WNT7B: variants seen among roughly 807,000 people sequenced by gnomAD.
The protein encoded by WNT7B is protein Wnt-7b.
Under a neutral mutation model 38.2 loss-of-function variants are expected in WNT7B, and 19 were observed. The ratio of observed to expected loss-of-function variants is 0.50; its 90% CI spans 0.35 to 0.73. The LOEUF (loss-of-function observed/expected upper bound fraction) is 0.73, where lower values mean the gene tolerates loss of function less well. WNT7B is among the 30% of genes least tolerant of loss of function. WNT7B has a pLI of 0.01. For synonymous variants in WNT7B, 243 were observed against 209.3 expected (o/e 1.16, Z -1.39); for missense variants, 423 against 507.9 (o/e 0.83, Z 1.61).
chr22:45,928,298 G>A (rs899975693), intron 3 of WNT7B, among the ~76,000 whole-genome samples: 1 of 152,156 alleles, frequency 6.6e-6, no homozygotes, highest in Non-Finnish European at 1.5e-5. Context: ...CTTATGGAAA[G>A]TTCCAAAGCC....
In WNT7B at chr22:45,933,731, G is replaced by A. The variant is rs114156005; in HGVS notation, c.299-2362C>T. Among the ~76,000 whole-genome samples, 664 of 152,334 alleles carry A rather than the reference G, an allele frequency of 4.4e-3. 4 individuals are homozygous for A. Among genetic ancestry groups the A allele is most frequent in the African/African-American group, 0.015 (635 of 41,568 alleles). ...CTTAAGTGGGTACAATCTTAACAAG[G>A]AGCATGGATTCGCTTGCTGTGTGTG... On this transcript the variant is annotated intron_variant, in intron 2 of 3. Transcript: ENST00000339464.
intron 1 of WNT7B, among the ~76,000 whole-genome samples, chr22:45,969,395 G>A (rs552196937): frequency 3.0e-3 from 452 of 152,332 alleles, no homozygotes; most frequent in African/African-American, 0.011. Flanking sequence ...CAGAAGCGCA[G>A]CCTGGTCCTG....
chr22:45,922,755 CTA>C lies in WNT7B; in HGVS notation c.*99_*100del. ...TGGAGCTCCCCGCTTCTGCACCCGTCTATGTCTGCTGCTGGCAGCACCAAGGC... is the reference window on the plus strand; with the variant it reads ...TGGAGCTCCCCGCTTCTGCACCCGTCTGTCTGCTGCTGGCAGCACCAAGGC... On this transcript the variant is annotated 3_prime_UTR_variant, in exon 4 of 4. Transcript: ENST00000339464. The C allele has an allele frequency of 6.6e-7, 1 of 1,518,884 alleles. No homozygotes were observed. Among genetic ancestry groups the C allele is most frequent in the African/African-American group, 1.4e-5 (1 of 72,664 alleles). The allele number at this position is 1,518,884 out of a possible 1,614,324, so 94.1% of individuals were successfully genotyped here.
chr22:45,936,978 C>T (rs559946506), intron 2 of WNT7B, among the ~76,000 whole-genome samples: 17 of 152,202 alleles, frequency 1.1e-4, no homozygotes, highest in African/African-American at 2.9e-4. Flanking sequence ...CCACAGGGGC[C>T]GGTGCACTTT....
intron 1 of WNT7B, among the ~76,000 whole-genome samples, chr22:45,971,789 A>C (rs890856975): frequency 1.3e-5 from 2 of 151,962 alleles, no homozygotes; most frequent in African/African-American, 4.8e-5. Flanking sequence ...TAATATGGGG[A>C]GGGGTCCCCC....
chr22:45,929,912 C>A (rs1601717785), intron 3 of WNT7B, among the ~76,000 whole-genome samples: 3 of 151,058 alleles, frequency 2.0e-5, no homozygotes, highest in South Asian at 4.2e-4. Flanking sequence ...ATCTACCCAT[C>A]CATCTATCCT....
intron 3 of WNT7B, chr22:45,927,449 T>C: frequency 1.3e-6 from 2 of 1,548,968 alleles, no homozygotes; most frequent in Middle Eastern, 1.7e-4. Context: ...GGGAACGGCA[T>C]AGCAACCCCC....
At chr22:45,938,825 C>A (rs538037716) in intron 2 of WNT7B, among the ~76,000 whole-genome samples, 9 of 152,072 alleles carry the variant, frequency 5.9e-5, no homozygotes, top group Non-Finnish European at 1.3e-4. Flanking sequence ...TCTTAAATAC[C>A]CTGACTTGAT....
intron 2 of WNT7B, among the ~76,000 whole-genome samples, chr22:45,942,046 C>T (rs946544085): frequency 2.6e-5 from 4 of 152,076 alleles, no homozygotes; most frequent in African/African-American, 4.8e-5. Context: ...CCCCATCTGC[C>T]CCCTACCCCA....
chr22:45,976,050 CCAGGGCCCAGGGCCCCGGGCGGGCG>C lies in WNT7B; in HGVS notation c.71+609_71+633del, dbSNP rs1380983239. On this transcript the variant is annotated intron_variant, in intron 1 of 3. Transcript: ENST00000339464. This position sits in a 1 kb window ranked among gnomAD's most constrained non-coding sequence, Gnocchi z 8.5. ...GGAGCGCGGCGAGAGGGGGCCGGGC[CCAGGGCCCAGGGCCCCGGGCGGGCG>C]GGGCACGGGCCCCGGACCGAGCCCG... 6.9e-6 allele frequency: 1 copy of C among 145,126 alleles called. No individual in the cohort carries two copies. Among genetic ancestry groups the C allele is most frequent in the Admixed American group, 6.8e-5 (1 of 14,714 alleles). 9.0% of individuals were successfully genotyped at this position (145,126 alleles called of 1,614,324 possible). A position where few individuals can be genotyped will look rare whatever the true frequency, so the allele number is the denominator to read the frequency against.
Position 45,976,281 on chromosome 22 carries a change from C to A in WNT7B, c.71+403G>T, listed in dbSNP as rs1403391857. ...GCCTCCGCAGGCGCCGGACGCCCCC[C>A]GACCCCGCCCCGGCGCACCCTCCAG... On this transcript the variant is annotated intron_variant, in intron 1 of 3. Coordinates refer to ENST00000339464, the MANE Select transcript of WNT7B (RefSeq NM_058238.3). This position sits in a 1 kb window ranked among gnomAD's most constrained non-coding sequence, Gnocchi z 8.5. Among the ~76,000 whole-genome samples, 1 of 147,804 alleles carries A rather than the reference C, an allele frequency of 6.8e-6. No homozygotes were observed. Among genetic ancestry groups the A allele is most frequent in the Non-Finnish European group, 1.5e-5 (1 of 66,420 alleles).
chr22:45,951,698 C>G lies in WNT7B; in HGVS notation c.72-1552G>C, dbSNP rs1044609218. 6.6e-6 allele frequency among the ~76,000 whole-genome samples: 1 copy of G among 152,072 alleles called. No homozygotes were observed. Among genetic ancestry groups the G allele is most frequent in the Non-Finnish European group, 1.5e-5 (1 of 68,008 alleles). On this transcript the variant is annotated intron_variant, in intron 1 of 3. Transcript: ENST00000339464. This position sits in a 1 kb window ranked among gnomAD's most constrained non-coding sequence, Gnocchi z 4.8. ...GCGTCGTGTTTTCAAGGGTCATCCA[C>G]GTGGTCACAGGTCAGTGCTTCATGC...
At chr22:45,938,277 A>G (rs1449629606) in intron 2 of WNT7B, among the ~76,000 whole-genome samples, 1 of 152,172 alleles carries the variant, frequency 6.6e-6, no homozygotes, top group African/African-American at 2.4e-5. Context: ...TTATTGAGGT[A>G]GAGAGTGGAA....
chr22:45,970,453 C>T (rs1184633833), intron 1 of WNT7B, among the ~76,000 whole-genome samples: 1 of 151,968 alleles, frequency 6.6e-6, no homozygotes, highest in African/African-American at 2.4e-5. Context: ...CCCCAGAGGC[C>T]CCTCACTGCT....
At chr22:45,957,697 A>C (rs1173119111) in intron 1 of WNT7B, among the ~76,000 whole-genome samples, 4 of 149,530 alleles carry the variant, frequency 2.7e-5, no homozygotes, top group African/African-American at 4.9e-5. Flanking sequence ...AAAAAAAAAA[A>C]AAAAAAAAAA....
chr22:45,960,563 C>G (rs1222750654), intron 1 of WNT7B, among the ~76,000 whole-genome samples: 1 of 152,256 alleles, frequency 6.6e-6, no homozygotes, highest in Non-Finnish European at 1.5e-5. Context: ...TTCAGCCTCC[C>G]TCCCGGCCCC....
At chr22:45,958,906 T>G (rs2146742594) in intron 1 of WNT7B, among the ~76,000 whole-genome samples, 1 of 152,242 alleles carries the variant, frequency 6.6e-6, no homozygotes, top group South Asian at 2.1e-4. Flanking sequence ...TGAGGAGCTC[T>G]TGGAGAAGGA....
At chr22:45,943,741 T>C (rs1747849387) in intron 2 of WNT7B, among the ~76,000 whole-genome samples, 1 of 152,114 alleles carries the variant, frequency 6.6e-6, no homozygotes, top group African/African-American at 2.4e-5. Context: ...CTGTGATGTG[T>C]AGACAACAGG....
Position 45,968,287 on chromosome 22 carries a change from C to G in WNT7B, c.71+8397G>C, listed in dbSNP as rs528638351. 3.3e-5 allele frequency among the ~76,000 whole-genome samples: 5 copies of G among 152,306 alleles called. No homozygotes were observed. In the South Asian group the frequency reaches 1.0e-3, roughly 32 times the overall value. ...GAATGAACACAGCCACTGGGCCTCC[C>G]TCTGTGCTGCCTGTGGCCAACCTCC... is the stretch of plus-strand genomic sequence containing the variant. On this transcript the variant is annotated intron_variant, in intron 1 of 3. Transcript: ENST00000339464.
Sources: gnomAD v4.1 joint callset for allele counts (sites outside exome capture counted in the v4.1 genomes callset) on GRCh38, gnomAD v4.1.1 for gene constraint, Gnocchi (gnomAD v3.1) non-coding constraint, MANE v1.5 for transcripts, NCBI Gene and HGNC (gene_info 2026-07-23, HGNC 2026-07-21) for gene names.